NAALADL2: variants seen among roughly 807,000 people sequenced by gnomAD.
NAALADL2 encodes N-acetylated alpha-linked acidic dipeptidase like 2.
A neutral mutation model predicts 87.2 loss-of-function variants in NAALADL2; 76 were observed. The ratio of observed to expected loss-of-function variants is 0.87; its 90% CI spans 0.72 to 1.05. NAALADL2 has a LOEUF of 1.05. Ranked by LOEUF, NAALADL2 falls within the 50% of genes least tolerant of loss-of-function variation. The pLI is 0.00. For missense variants in NAALADL2, 1,089 were observed against 945.8 expected (o/e 1.15, Z -1.99); for synonymous variants, 354 against 331.0 (o/e 1.07, Z -0.75).
Position 175,324,044 on chromosome 3 carries a change from G to GAAAAA in NAALADL2, c.940-130_940-126dup. Reference sequence around the variant, plus strand: ...AAAAACAAACAAAAAAAAAAAAAAAGAAAAAGAAAAAGAAAAAGAAAAAAA... The same window carrying GAAAAA: ...AAAAACAAACAAAAAAAAAAAAAAAGAAAAAAAAAAGAAAAAGAAAAAGAAAAAAA... On this transcript the variant is annotated intron_variant, in intron 4 of 13. Transcript: ENST00000454872. The GAAAAA allele has an allele frequency of 1.3e-5, 6 of 465,898 alleles. No homozygotes were observed. The South Asian group carries it at 1.4e-4, about 11-fold the overall frequency. 28.9% of individuals were successfully genotyped at this position (465,898 alleles called of 1,614,324 possible).
In NAALADL2 at chr3:175,181,678, CATATAT is replaced by C. The variant is rs140291952; in HGVS notation, c.546-52232_546-52227del. Among the ~76,000 whole-genome samples, 97 of 51,832 alleles carry C rather than the reference CATATAT, an allele frequency of 1.9e-3. 1 individual carries two copies. The highest frequency in any genetic ancestry group is 0.019 in the Middle Eastern group (2 of 108). 34.0% of individuals were successfully genotyped at this position (51,832 alleles called of 152,430 possible). A position where few individuals can be genotyped will look rare whatever the true frequency, so the allele number is the denominator to read the frequency against. ...TTATGACTGAATAGTATTCCATTGG[CATATAT>C]ATATATATATATATATATATGTGTG... is the stretch of plus-strand genomic sequence containing the variant. On this transcript the variant is annotated intron_variant, in intron 2 of 13. Coordinates refer to ENST00000454872, the MANE Select transcript of NAALADL2 (RefSeq NM_207015.3).
At chr3:174,589,359 C>A (rs79009470) in intron 2 of NAALADL2, among the ~76,000 whole-genome samples, 1 of 152,216 alleles carries the variant, frequency 6.6e-6, no homozygotes, top group African/African-American at 2.4e-5. Context: ...CTTCAGCTCA[C>A]GCTCTGTGGG....
At chr3:174,985,940 G>A (rs1295775881) in intron 1 of NAALADL2, among the ~76,000 whole-genome samples, 1 of 151,620 alleles carries the variant, frequency 6.6e-6, no homozygotes, top group Non-Finnish European at 1.5e-5. Context: ...CAACGAGAGC[G>A]AAACTCCGTC....
intron 3 of NAALADL2, among the ~76,000 whole-genome samples, chr3:174,816,737 T>C (rs1720858741): frequency 6.6e-6 from 1 of 152,102 alleles, no homozygotes; most frequent in Non-Finnish European, 1.5e-5. Context: ...TACTATTTAT[T>C]AAGTCCTTCT....
intron 9 of NAALADL2, among the ~76,000 whole-genome samples, chr3:175,497,961 G>A (rs2149360773): frequency 6.6e-6 from 1 of 152,174 alleles, no homozygotes; most frequent in Admixed American, 6.6e-5. Context: ...TAATGTTAGT[G>A]TGCATGTAAT....
rs143765902 is a variant in NAALADL2, at chr3:175,319,885, G to A, written c.940-4290G>A. The stretch of plus-strand genomic sequence containing the variant: ...TCTGTCTCATTCATTCTCTCATTTA[G>A]CAATACTCTTGAAAGCCTGCTAAGT... On this transcript the variant is annotated intron_variant, in intron 4 of 13. Transcript: ENST00000454872. Among the ~76,000 whole-genome samples, 478 of 152,268 alleles carry A rather than the reference G, an allele frequency of 3.1e-3. 7 individuals are homozygous for A. The highest frequency in any genetic ancestry group is 0.011 in the African/African-American group (459 of 41,560).
intron 2 of NAALADL2, among the ~76,000 whole-genome samples, chr3:174,665,403 C>G (rs1725871059): frequency 6.6e-6 from 1 of 152,176 alleles, no homozygotes; most frequent in Non-Finnish European, 1.5e-5. Flanking sequence ...GTGCTGCATG[C>G]AACCTCAGCT....
At chr3:175,181,695 A>ATG (rs373684925) in intron 2 of NAALADL2, among the ~76,000 whole-genome samples, 1 of 56,828 alleles carries the variant, frequency 1.8e-5, no homozygotes, top group Admixed American at 2.5e-4. Context: ...ATATATATAT[A>ATG]TATATATATG....
At chr3:174,567,229 A>C (rs936007455) in intron 2 of NAALADL2, among the ~76,000 whole-genome samples, 8 of 151,644 alleles carry the variant, frequency 5.3e-5, no homozygotes, top group African/African-American at 1.9e-4. Flanking sequence ...TTTTACATTT[A>C]ATAAAATTGG....
chr3:175,203,423 G>A (rs1740363968), intron 2 of NAALADL2, among the ~76,000 whole-genome samples: 2 of 152,268 alleles, frequency 1.3e-5, no homozygotes, highest in South Asian at 4.1e-4. Flanking sequence ...TTGCAGTGGG[G>A]GGATGTGTAT....
intron 5 of NAALADL2, among the ~76,000 whole-genome samples, chr3:175,356,898 A>G (rs561615694): frequency 1.3e-5 from 2 of 152,154 alleles, no homozygotes; most frequent in East Asian, 3.9e-4. Context: ...TATAATTACT[A>G]TTGTTATTTT....
At chr3:174,960,698 A>G (rs1199700181) in intron 1 of NAALADL2, among the ~76,000 whole-genome samples, 3 of 152,088 alleles carry the variant, frequency 2.0e-5, no homozygotes, top group Non-Finnish European at 4.4e-5. Flanking sequence ...ATAAAACACT[A>G]TTTTATTCCA....
At chr3:175,152,504 A>T (rs1011790170) in intron 2 of NAALADL2, among the ~76,000 whole-genome samples, 10 of 152,202 alleles carry the variant, frequency 6.6e-5, no homozygotes, top group Non-Finnish European at 1.5e-4. Flanking sequence ...CCTAGGGAAG[A>T]TTAAAGAGAA....
chr3:175,311,679 GCTTC>G (rs556747556), intron 4 of NAALADL2, among the ~76,000 whole-genome samples: 200 of 116,592 alleles, frequency 1.7e-3, no homozygotes, highest in Middle Eastern at 6.0e-3. Flanking sequence ...TTCCTTTCCT[GCTTC>G]CTTCCTTCCT....
rs148410281 is a variant in NAALADL2 at position 175,361,560 on chromosome 3, C to T, written c.1090+37235C>T. On this transcript the variant is annotated intron_variant, in intron 5 of 13. Transcript: ENST00000454872. The stretch of plus-strand genomic sequence containing the variant: ...CCTGACTTATTAATGATTACCATTC[C>T]AACTGGTGTGAGATGGTATCTCATT... Among the ~76,000 whole-genome samples the T allele has an allele frequency of 1.6e-3, 237 of 148,200 alleles. 16 individuals are homozygous for T. The highest frequency in any genetic ancestry group is 5.5e-3 in the African/African-American group (225 of 40,934).
intron 9 of NAALADL2, among the ~76,000 whole-genome samples, chr3:175,480,996 T>A (rs1340763600): frequency 6.6e-6 from 1 of 151,910 alleles, no homozygotes; most frequent in African/African-American, 2.4e-5. Flanking sequence ...AGAGAAACAC[T>A]GAGAACATTT....
intron 3 of NAALADL2, among the ~76,000 whole-genome samples, chr3:175,238,999 A>G (rs1038788242): frequency 1.3e-5 from 2 of 152,206 alleles, no homozygotes; most frequent in African/African-American, 4.8e-5. Context: ...CATTCATCAT[A>G]GGACCGTTTT....
chr3:175,708,733 C>A lies in NAALADL2; in HGVS notation c.1897-28573C>A, dbSNP rs73881360. Among the ~76,000 whole-genome samples, 807 of 151,144 alleles carry A rather than the reference C, an allele frequency of 5.3e-3. 7 individuals are homozygous for A. The highest frequency in any genetic ancestry group is 0.018 in the African/African-American group (756 of 41,244). On this transcript the variant is annotated intron_variant, in intron 11 of 13. Transcript: ENST00000454872. ...CCCTCCCCCCAAAGCCATTTAGGGC[C>A]AGAAACAAAAATAAAAAGAGAGTGA...
intron 1 of NAALADL2, among the ~76,000 whole-genome samples, chr3:174,969,381 C>T (rs958603847): frequency 1.3e-5 from 2 of 152,036 alleles, no homozygotes; most frequent in Non-Finnish European, 2.9e-5. Flanking sequence ...TTTTTATCTC[C>T]TCAACTAAGT....
Sources: allele counts gnomAD v4.1 joint callset (sites outside exome capture counted in the v4.1 genomes callset), GRCh38; gene constraint gnomAD v4.1.1; transcripts MANE v1.5; gene names NCBI Gene and HGNC (gene_info 2026-07-23, HGNC 2026-07-21).